IBTK: variants seen among roughly 807,000 people sequenced by gnomAD.
IBTK encodes the protein BTK-binding protein.
Under a neutral mutation model 154.9 loss-of-function variants are expected in IBTK, and 83 were observed. The ratio of observed to expected loss-of-function variants is 0.54; its 90% CI spans 0.45 to 0.64. IBTK has a LOEUF of 0.64. IBTK is among the 30% of genes least tolerant of loss of function. The probability of loss-of-function intolerance (pLI) is 0.00; values close to 1 mark genes in which losing one functional copy is unlikely to be tolerated. For synonymous variants in IBTK, 515 were observed against 536.1 expected, an observed-to-expected ratio of 0.96 and a Z score of 0.54; for missense variants, 1,332 against 1,584.6, an observed-to-expected ratio of 0.84 and a Z score of 2.71.
chr6:82,206,399 TAAGTA>T (rs1335154402), intron 16 of IBTK, among the ~76,000 whole-genome samples: 1 of 142,370 alleles, frequency 7.0e-6, no homozygotes, highest in Non-Finnish European at 1.5e-5. Context: ...CAATTAGCAA[TAAGTA>T]AAGTAAAGAT....
At chr6:82,175,064 G>A in intron 26 of IBTK, 3 of 454,852 alleles carry the variant, frequency 6.6e-6, no homozygotes, top group South Asian at 4.7e-5. Flanking sequence ...AATCTTAACT[G>A]CTAGACTAGT....
At chr6:82,223,273 T>A (rs1168958363) in intron 8 of IBTK, among the ~76,000 whole-genome samples, 167 bp downstream of exon 8, 1 of 152,234 alleles carries the variant, frequency 6.6e-6, no homozygotes, top group Non-Finnish European at 1.5e-5. Flanking sequence ...ATTCACTGGA[T>A]CCATGCCAAA....
intron 25 of IBTK, among the ~76,000 whole-genome samples, chr6:82,188,181 C>G (rs1768625078): frequency 6.6e-6 from 1 of 152,154 alleles, no homozygotes; most frequent in African/African-American, 2.4e-5. Flanking sequence ...CATAGGCACA[C>G]AGAGCTTCCA....
rs1562064445 is a variant in IBTK, at chr6:82,171,461, T to C, written c.4026A>G (p.Pro1342=). 5 of 1,613,436 alleles carry C rather than the reference T, an allele frequency of 3.1e-6. No homozygotes were observed. The highest frequency in any genetic ancestry group is 2.7e-5 in the African/African-American group (2 of 75,054). Reference sequence around the variant, plus strand: ...GCTTATTCCACATAGGTACTGCCAGTGGTCCCTGCGGTGTCCTTTCAACAA... The same window carrying C: ...GCTTATTCCACATAGGTACTGCCAGCGGTCCCTGCGGTGTCCTTTCAACAA... The part of the protein sequence containing the change: ...FVIVERTPQG[P]LAVPMWNKHG... Residue 1342 remains proline, a synonymous_variant, in exon 29 of 29, where the codon CCA becomes CCG. Coordinates refer to ENST00000306270, the MANE Select transcript of IBTK (RefSeq NM_015525.4).
At chr6:82,225,670 G>A in intron 5 of IBTK, 23 bp from the exon 6 acceptor site, 3 of 1,563,244 alleles carry the variant, frequency 1.9e-6, no homozygotes, top group Non-Finnish European at 2.6e-6. Context: ...ATTAACTTTA[G>A]TATACTACAT....
At chr6:82,244,227 AGTC>A (rs1222539041) in intron 1 of IBTK, among the ~76,000 whole-genome samples, 2 of 152,240 alleles carry the variant, frequency 1.3e-5, no homozygotes, top group African/African-American at 4.8e-5. Context: ...TTGTTTCTTC[AGTC>A]ATAAAAAGGT....
intron 10 of IBTK, among the ~76,000 whole-genome samples, 181 bp from the exon 11 acceptor site, chr6:82,216,431 A>C (rs1047513387): frequency 1.3e-5 from 2 of 152,194 alleles, no homozygotes; most frequent in Non-Finnish European, 2.9e-5. Flanking sequence ...TATTGGCTGT[A>C]TTATACAGGA....
intron 1 of IBTK, among the ~76,000 whole-genome samples, chr6:82,247,065 C>CG (rs1008984478): frequency 2.1e-4 from 32 of 152,208 alleles, no homozygotes; most frequent in African/African-American, 7.7e-4. Flanking sequence ...TCTCAACCCT[C>CG]CACCCTCCAA....
intron 2 of IBTK, among the ~76,000 whole-genome samples, chr6:82,234,778 C>T (rs1233344322): frequency 6.6e-6 from 1 of 152,116 alleles, no homozygotes; most frequent in Non-Finnish European, 1.5e-5. Flanking sequence ...AATCACATAT[C>T]CGACTCTTGC....
At chr6:82,204,762 C>G (rs1245547111) in intron 17 of IBTK, 95 bp downstream of exon 17, 9 of 637,598 alleles carry the variant, frequency 1.4e-5, no homozygotes, top group Middle Eastern at 3.3e-4. Flanking sequence ...AAAAAATGGT[C>G]TATTTTACCA....
chr6:82,240,139 C>T lies in IBTK; in HGVS notation c.321+27G>A, dbSNP rs780154402. 3.7e-5 allele frequency: 57 copies of T among 1,544,712 alleles called. No individual in the cohort carries two copies. In the East Asian group the frequency reaches 8.6e-4, roughly 23 times the overall value. ...AGAAAAACATATTCCAGACTAAATA[C>T]GTTTAAAATAAACAAATGACAATTA... On this transcript the variant is annotated intron_variant, in intron 2 of 28. Transcript: ENST00000306270.
intron 10 of IBTK, among the ~76,000 whole-genome samples, chr6:82,217,545 C>A (rs1312401007): frequency 6.6e-6 from 1 of 152,036 alleles, no homozygotes; most frequent in African/African-American, 2.4e-5. Flanking sequence ...TGTTTACAGA[C>A]TTGAATAATC....
intron 16 of IBTK, chr6:82,210,440 C>G (rs1769590805): frequency 6.6e-6 from 1 of 152,022 alleles, no homozygotes; most frequent in African/African-American, 2.4e-5. Context: ...GAAGCAAGCA[C>G]TAATTCTCAA....
intron 25 of IBTK, among the ~76,000 whole-genome samples, chr6:82,190,498 A>G (rs1449538577): frequency 2.0e-5 from 3 of 152,194 alleles, no homozygotes; most frequent in Non-Finnish European, 4.4e-5. Flanking sequence ...TCTCAAAATT[A>G]TATCTGACCT....
intron 28 of IBTK, 111 bp downstream of exon 28, chr6:82,172,269 A>T: frequency 9.5e-7 from 1 of 1,054,548 alleles, no homozygotes; most frequent in Non-Finnish European, 1.4e-6. Flanking sequence ...TTTACATTTT[A>T]ATTTCATAGA....
chr6:82,212,689 C>G lies in IBTK; in HGVS notation c.2291+18G>C. 1 of 1,484,358 alleles carries G rather than the reference C, an allele frequency of 6.7e-7. No individual in the cohort carries two copies. Among genetic ancestry groups the G allele is most frequent in the South Asian group, 1.1e-5 (1 of 88,376 alleles). 91.9% of individuals were successfully genotyped at this position (1,484,358 alleles called of 1,614,324 possible). A position where few individuals can be genotyped will look rare whatever the true frequency, so the allele number is the denominator to read the frequency against. The stretch of plus-strand genomic sequence containing the variant: ...CAAAATCCAGACATGAAATGTTAAT[C>G]TTCCTTTCCTTACTTACCATTTTTT... On this transcript the variant is annotated intron_variant, in intron 13 of 28. Transcript: ENST00000306270.
intron 16 of IBTK, 34 bp downstream of exon 16, chr6:82,210,780 G>A: frequency 1.1e-6 from 1 of 878,374 alleles, no homozygotes; most frequent in Non-Finnish European, 1.7e-6. Context: ...CATTATATGT[G>A]AAGTATCTAC....
chr6:82,212,788 T>C lies in IBTK; in HGVS notation c.2210A>G (p.Asp737Gly). ...FDFSNLSSRL[D>G]GVRFENEKIN... is the part of the protein sequence containing the mutation. ...TTTTTCATTTTCAAATCTGACTCCA[T>C]CTAACCTATCAAGGATAGATAAAAA... The change falls in exon 13 of 29, where the codon GAT becomes GGT. Residue 737 changes from aspartate to glycine, a missense_variant. Around this residue, in one of 3 missense-constraint regions of IBTK, gnomAD observed 1,134 missense variants for 1,274.7 expected, o/e 0.89. Transcript: ENST00000306270. The C allele has an allele frequency of 6.5e-7, 1 of 1,543,404 alleles. No homozygotes were observed. Among genetic ancestry groups the C allele is most frequent in the Non-Finnish European group, 9.0e-7 (1 of 1,116,552 alleles).
intron 10 of IBTK, 41 bp downstream of exon 10, chr6:82,217,919 T>C: frequency 7.6e-7 from 1 of 1,314,456 alleles, no homozygotes; most frequent in Non-Finnish European, 1.0e-6. Flanking sequence ...TAAAGGATAA[T>C]TGAAAGGTAC....
Sources: gnomAD v4.1 joint callset for allele counts (sites outside exome capture counted in the v4.1 genomes callset) on GRCh38, gnomAD v4.1.1 for gene constraint, gnomAD v4.1.1 regional missense constraint, MANE v1.5 for transcripts, NCBI Gene and HGNC (gene_info 2026-07-23, HGNC 2026-07-21) for gene names.